The following RGS6 variants were observed in gnomAD, a reference collection of about 807,000 sequenced individuals.
RGS6 encodes regulator of G-protein signaling 6.
RGS6 carries 30 observed loss-of-function variants against 78.5 expected under a neutral mutation model. The ratio of observed to expected loss-of-function variants is 0.38; its 90% CI spans 0.29 to 0.52. The LOEUF is 0.52. Ranked by LOEUF, RGS6 falls within the 20% of genes least tolerant of loss-of-function variation. The pLI is 0.85. For synonymous variants in RGS6, 206 were observed against 206.0 expected (o/e 1.00, Z 0.00); for missense variants, 495 against 609.7 (o/e 0.81, Z 1.98).
At chr14:72,009,270 C>T (rs1286997296) in intron 2 of RGS6, among the ~76,000 whole-genome samples, 1 of 152,132 alleles carries the variant, frequency 6.6e-6, no homozygotes, top group African/African-American at 2.4e-5. Flanking sequence ...AAGATTGAGC[C>T]CAGGAAGTCA....
intron 3 of RGS6, among the ~76,000 whole-genome samples, chr14:72,447,938 A>G (rs1163868590): frequency 1.3e-5 from 2 of 152,202 alleles, no homozygotes; most frequent in African/African-American, 2.4e-5. Flanking sequence ...TCATGACCTC[A>G]GGTGATCCAC....
chr14:72,580,309 C>A, the RGS6 span, among the ~76,000 whole-genome samples: 1 of 143,720 alleles, frequency 7.0e-6, no homozygotes, highest in Non-Finnish European at 1.5e-5. Flanking sequence ...CAAAAATGTC[C>A]CCCCCACCCC....
At chr14:72,598,667 T>C in the RGS6 span, among the ~76,000 whole-genome samples, 1 of 152,186 alleles carries the variant, frequency 6.6e-6, no homozygotes, top group Non-Finnish European at 1.5e-5. Context: ...ACCCAAGGGC[T>C]GGAGGAGCAA....
chr14:72,508,938 T>A (rs1027485817), intron 13 of RGS6, among the ~76,000 whole-genome samples: 10 of 152,098 alleles, frequency 6.6e-5, no homozygotes, highest in Admixed American at 2.6e-4. Context: ...ATACAGCAAG[T>A]GAACTTTAAA....
chr14:71,936,558 A>G (rs757997046), intron 1 of RGS6, among the ~76,000 whole-genome samples: 58 of 152,200 alleles, frequency 3.8e-4, no homozygotes, highest in Non-Finnish European at 5.9e-4. Context: ...ATATCTCCTG[A>G]GATCATACAT....
At position 72,000,777 on chromosome 14, in the gene RGS6, G is replaced by C. The variant is rs550438517; in HGVS notation, c.84+35902G>C. Among the ~76,000 whole-genome samples the C allele has an allele frequency of 2.0e-5, 3 of 152,288 alleles. No homozygotes were observed. In the South Asian group the frequency reaches 6.2e-4, roughly 32 times the overall value. ...TCAAGAAATACTCGAAAAACCACTG[G>C]ATTTGGTGACCACATCTCAAGGTCA... is the stretch of plus-strand genomic sequence containing the variant. On this transcript the variant is annotated intron_variant, in intron 2 of 17. Transcript: ENST00000553525.
At position 72,531,882 on chromosome 14, in the gene RGS6, G is replaced by C. The variant is rs914841992; in HGVS notation, c.1279-4304G>C. 2.0e-5 allele frequency among the ~76,000 whole-genome samples: 3 copies of C among 152,292 alleles called. No individual in the cohort carries two copies. In the East Asian group the frequency reaches 5.8e-4, roughly 29 times the overall value. On this transcript the variant is annotated intron_variant, in intron 15 of 17. Coordinates refer to ENST00000553525, the MANE Select transcript of RGS6 (RefSeq NM_001204424.2). ...AACTGCAGTCTGTAGTCACCGTAATGTTCAAGAGACCTCTTCAACTTATTC... is the reference window on the plus strand; with the variant it reads ...AACTGCAGTCTGTAGTCACCGTAATCTTCAAGAGACCTCTTCAACTTATTC...
chr14:72,347,706 G>A (rs1356840), intron 2 of RGS6, among the ~76,000 whole-genome samples: 48,388 of 151,878 alleles, frequency 0.32, 7,975 homozygotes, highest in South Asian at 0.43. Flanking sequence ...TCCAGGAATA[G>A]TCTCTGCCTG....
At chr14:71,947,676 G>A (rs56743778) in intron 1 of RGS6, among the ~76,000 whole-genome samples, 1 of 151,998 alleles carries the variant, frequency 6.6e-6, no homozygotes, top group African/African-American at 2.4e-5. Context: ...TAGAGACAGG[G>A]TTTCATCATA....
chr14:71,879,461 G>A, the RGS6 span, among the ~76,000 whole-genome samples: 1 of 152,146 alleles, frequency 6.6e-6, no homozygotes, highest in Non-Finnish European at 1.5e-5. Context: ...TGGTTTGGCT[G>A]TGTCCCCAGC....
chr14:71,928,132 G>T (rs1428371306), upstream of RGS6, among the ~76,000 whole-genome samples: 2 of 152,160 alleles, frequency 1.3e-5, no homozygotes, highest in Non-Finnish European at 2.9e-5. Flanking sequence ...AGCTGGGATT[G>T]TAGGTGTGTG....
At chr14:72,450,381 A>G (rs1326275636) in intron 3 of RGS6, among the ~76,000 whole-genome samples, 1 of 152,196 alleles carries the variant, frequency 6.6e-6, no homozygotes, top group Non-Finnish European at 1.5e-5. Flanking sequence ...CATATAACAC[A>G]TACAGAAACA....
intron 12 of RGS6, among the ~76,000 whole-genome samples, chr14:72,486,095 AG>A (rs2096484128): frequency 1.2e-5 from 1 of 81,382 alleles, no homozygotes; most frequent in African/African-American, 6.5e-5. Flanking sequence ...GGCTTTATAA[AG>A]GGCTTCCCCC....
At chr14:72,272,074 C>T (rs1403634163) in intron 2 of RGS6, among the ~76,000 whole-genome samples, 2 of 152,170 alleles carry the variant, frequency 1.3e-5, no homozygotes, top group African/African-American at 2.4e-5. Flanking sequence ...TGCCATGTAG[C>T]TGAACATATC....
chr14:71,911,045 A>T, the RGS6 span, among the ~76,000 whole-genome samples: 1 of 152,318 alleles, frequency 6.6e-6, no homozygotes, highest in Non-Finnish European at 1.5e-5. Context: ...GATCTGTGAA[A>T]GTGCTTTGTA....
chr14:71,928,866 T>C (rs912101387), upstream of RGS6, among the ~76,000 whole-genome samples: 22 of 152,248 alleles, frequency 1.4e-4, no homozygotes, highest in Non-Finnish European at 1.5e-5. Flanking sequence ...ATCATATTTT[T>C]AGTACAGCCA....
Position 71,995,027 on chromosome 14 carries a change from G to A in RGS6, c.84+30152G>A, listed in dbSNP as rs551076361. ...GCTGAGGTGGGGTGGCCTGATAACA[G>A]AGTCACCAAAGAGCTGCCTCTCTTA... On this transcript the variant is annotated intron_variant, in intron 2 of 17. Coordinates refer to ENST00000553525, the MANE Select transcript of RGS6 (RefSeq NM_001204424.2). Among the ~76,000 whole-genome samples the A allele has an allele frequency of 2.3e-3, 346 of 152,264 alleles. 1 individual carries two copies. Among genetic ancestry groups the A allele is most frequent in the African/African-American group, 8.2e-3 (342 of 41,552 alleles).
Position 72,239,687 on chromosome 14 carries a change from G to T in RGS6, c.85-112408G>T, listed in dbSNP as rs534646098. ...GGAAGCAGTAGGACAGTGGTGTGAA[G>T]GAAGTTCTGGGCCTCAGCCCTCCTC... On this transcript the variant is annotated intron_variant, in intron 2 of 17. Transcript: ENST00000553525. Among the ~76,000 whole-genome samples, 471 of 152,298 alleles carry T rather than the reference G, an allele frequency of 3.1e-3. 1 individual carries two copies. Among genetic ancestry groups the T allele is most frequent in the African/African-American group, 0.011 (454 of 41,560 alleles).
At chr14:72,176,249 G>T (rs2097102954) in intron 2 of RGS6, among the ~76,000 whole-genome samples, 1 of 152,154 alleles carries the variant, frequency 6.6e-6, no homozygotes, top group Non-Finnish European at 1.5e-5. Context: ...TACATTTGTG[G>T]AACCCAAGAA....
Sources: allele counts gnomAD v4.1 joint callset (sites outside exome capture counted in the v4.1 genomes callset), GRCh38; gene constraint gnomAD v4.1.1; transcripts MANE v1.5; gene names NCBI Gene and HGNC (gene_info 2026-07-23, HGNC 2026-07-21).